Variants in OR10A7 observed in about 807,000 individuals in gnomAD.
OR10A7 encodes olfactory receptor family 10 subfamily A member 7.
For missense variants in OR10A7, 434 were observed against 383.6 expected, an observed-to-expected ratio of 1.13 and a Z score of -1.10; for synonymous variants, 151 against 137.2, an observed-to-expected ratio of 1.10 and a Z score of -0.70.
chr12:55,221,151 T>C lies in OR10A7; in HGVS notation c.127T>C (p.Phe43Leu), dbSNP rs763177753. The C allele has an allele frequency of 6.2e-7, 1 of 1,613,872 alleles. No homozygotes were observed. Among genetic ancestry groups the C allele is most frequent in the Admixed American group, 1.7e-5 (1 of 59,960 alleles). The change falls in exon 1 of 1, where the codon TTT (phenylalanine) becomes CTT (leucine). Residue 43 changes from phenylalanine to leucine, a missense_variant. Coordinates refer to ENST00000326258, the MANE Select transcript of OR10A7 (RefSeq NM_001005280.1). ...TTATACAGTCACTTTGTTGGGCAAC[T>C]TTCTTATTGTCACAGTTACCAGTGT... ...AIYTVTLLGN[F>L]LIVTVTSVDL...
Position 55,221,169 on chromosome 12 carries a change from A to G in OR10A7, c.145A>G (p.Thr49Ala). The G allele has an allele frequency of 6.2e-7, 1 of 1,613,772 alleles. No homozygotes were observed. The change falls in exon 1 of 1, where the codon ACC (threonine) becomes GCC (alanine). Residue 49 changes from threonine to alanine, a missense_variant. By Grantham distance (58) the Thr-to-Ala change is moderately conservative. Transcript: ENST00000326258. ...GGGCAACTTTCTTATTGTCACAGTT[A>G]CCAGTGTGGATCTCGCACTTCAAAC... ...LLGNFLIVTVTSVDLALQTPM... is the reference protein window; with the variant it reads ...LLGNFLIVTVASVDLALQTPM...
chr12:55,221,221 TG>T lies in OR10A7; in HGVS notation c.198del (p.Ser67HisfsTer17), dbSNP rs757066559. On this transcript the variant is annotated frameshift_variant, in exon 1 of 1. Transcript: ENST00000326258. LOFTEE classifies it low-confidence loss of function (END_TRUNC). ...QTPMYFFLQN[L>X]SLLEVCFTLV... ...CCCATGTACTTCTTTCTTCAAAATC[TG>T]TCACTTCTTGAAGTATGTTTCACCT... 1 of 1,613,980 alleles carries T rather than the reference TG, an allele frequency of 6.2e-7. No homozygotes were observed. The highest frequency in any genetic ancestry group is 1.1e-5 in the South Asian group (1 of 91,080).
chr12:55,221,608 A>G lies in OR10A7; in HGVS notation c.584A>G (p.Tyr195Cys). 6.2e-7 allele frequency: 1 copy of G among 1,613,854 alleles called. No individual in the cohort carries two copies. The highest frequency in any genetic ancestry group is 8.5e-7 in the Non-Finnish European group (1 of 1,179,862). Residue 195 changes from tyrosine to cysteine, a missense_variant, in exon 1 of 1, where the codon TAT becomes TGT. Tyr to Cys is a radical substitution (Grantham distance 194). Transcript: ENST00000326258. ...LKLVTVDTTMYEMQALASTLL... is the reference protein window; with the variant it reads ...LKLVTVDTTMCEMQALASTLL... ...CTAGTCACAGTGGATACAACCATGT[A>G]TGAAATGCAAGCACTTGCCTCCACA... is the stretch of plus-strand genomic sequence containing the variant.
Position 55,221,084 on chromosome 12 carries a change from C to G in OR10A7, c.60C>G (p.Asn20Lys). ...TEFILLGFTN[N>K]PEMQVSLFIF... ...TTATTCTTCTTGGTTTTACAAACAACCCCGAGATGCAAGTTTCCCTCTTTA... is the reference window on the plus strand; with the variant it reads ...TTATTCTTCTTGGTTTTACAAACAAGCCCGAGATGCAAGTTTCCCTCTTTA... Residue 20 changes from asparagine (N) to lysine (K), a missense_variant, in exon 1 of 1, where the codon AAC (asparagine) becomes AAG (lysine). Transcript: ENST00000326258. The G allele has an allele frequency of 6.2e-7, 1 of 1,613,792 alleles. No homozygotes were observed. The highest frequency in any genetic ancestry group is 8.5e-7 in the Non-Finnish European group (1 of 1,179,756).
In OR10A7 at chr12:55,221,463, G is replaced by A. The variant is rs1954116766; in HGVS notation, c.439G>A (p.Gly147Ser). 1.2e-6 allele frequency: 2 copies of A among 1,613,732 alleles called. No individual in the cohort carries two copies. Among genetic ancestry groups the A allele is most frequent in the East Asian group, 2.2e-5 (1 of 44,862 alleles). ...NRSLCLWMAIGSWMSGVPVSM... is the reference protein window; with the variant it reads ...NRSLCLWMAISSWMSGVPVSM... The stretch of plus-strand genomic sequence containing the variant: ...GTCCCTATGCTTGTGGATGGCCATA[G>A]GCTCTTGGATGTCCGGTGTTCCTGT... The change falls in exon 1 of 1, where the codon GGC (glycine) becomes AGC (serine). Residue 147 changes from glycine (G) to serine (S), a missense_variant. Coordinates refer to ENST00000326258, the MANE Select transcript of OR10A7 (RefSeq NM_001005280.1).
In OR10A7 at chr12:55,221,379, G is replaced by C; in HGVS notation, c.355G>C (p.Ala119Pro). The C allele has an allele frequency of 6.2e-7, 1 of 1,613,620 alleles. No homozygotes were observed. The highest frequency in any genetic ancestry group is 8.5e-7 in the Non-Finnish European group (1 of 1,179,804). ...SSECFLLSMM[A>P]YDRFVAICNP... ...TGAATGTTTCCTTCTCTCCATGATG[G>C]CTTATGATCGCTTTGTGGCCATCTG... Residue 119 changes from alanine to proline, a missense_variant, in exon 1 of 1, where the codon GCT becomes CCT. Ala to Pro is a conservative substitution (Grantham distance 27). Coordinates refer to ENST00000326258, the MANE Select transcript of OR10A7 (RefSeq NM_001005280.1).
chr12:55,221,400 A>G lies in OR10A7; in HGVS notation c.376A>G (p.Ile126Val), dbSNP rs779418343. The change falls in exon 1 of 1, where the codon ATC becomes GTC. Residue 126 changes from isoleucine to valine, a missense_variant. Coordinates refer to ENST00000326258, the MANE Select transcript of OR10A7 (RefSeq NM_001005280.1). ...GATGGCTTATGATCGCTTTGTGGCC[A>G]TCTGTAACCCTCTCCATTATTCAGT... Reference protein sequence around the residue: ...SMMAYDRFVAICNPLHYSVIM... With the variant: ...SMMAYDRFVAVCNPLHYSVIM... 8 of 1,613,780 alleles carry G rather than the reference A, an allele frequency of 5.0e-6. No homozygotes were observed. In the Admixed American group the frequency reaches 1.0e-4, roughly 20 times the overall value.
rs115800430 is a variant in OR10A7, at chr12:55,221,477, C to T, written c.453C>T (p.Ser151=). The part of the protein sequence containing the change: ...CLWMAIGSWM[S]GVPVSMLQTA... ...GGATGGCCATAGGCTCTTGGATGTC[C>T]GGTGTTCCTGTGTCTATGCTACAGA... Residue 151 remains serine (S), a synonymous_variant, in exon 1 of 1, where the codon TCC becomes TCT. Coordinates refer to ENST00000326258, the MANE Select transcript of OR10A7 (RefSeq NM_001005280.1). The T allele has an allele frequency of 1.0e-3, 1,653 of 1,613,678 alleles. 16 individuals carry two copies. In the African/African-American group the frequency reaches 0.019, roughly 19 times the overall value.
rs1194331711 is a variant in OR10A7 at position 55,221,150 on chromosome 12, C to A, written c.126C>A (p.Asn42Lys). ...TTTATACAGTCACTTTGTTGGGCAACTTTCTTATTGTCACAGTTACCAGTG... is the reference window on the plus strand; with the variant it reads ...TTTATACAGTCACTTTGTTGGGCAAATTTCTTATTGTCACAGTTACCAGTG... ...LAIYTVTLLG[N>K]FLIVTVTSVD... The change falls in exon 1 of 1, where the codon AAC becomes AAA. Residue 42 changes from asparagine (N) to lysine (K), a missense_variant. By Grantham distance (94) the Asn-to-Lys change is moderately conservative. Coordinates refer to ENST00000326258, the MANE Select transcript of OR10A7 (RefSeq NM_001005280.1). The A allele has an allele frequency of 7.4e-6, 12 of 1,613,634 alleles. No homozygotes were observed. The highest frequency in any genetic ancestry group is 1.0e-5 in the Non-Finnish European group (12 of 1,179,794).
rs115234428 is a variant in OR10A7 at position 55,221,182 on chromosome 12, T to C, written c.158T>C (p.Leu53Pro). ...ATTGTCACAGTTACCAGTGTGGATC[T>C]CGCACTTCAAACACCCATGTACTTC... The part of the protein sequence containing the change: ...FLIVTVTSVD[L>P]ALQTPMYFFL... The change falls in exon 1 of 1, where the codon CTC becomes CCC. Residue 53 changes from leucine (L) to proline (P), a missense_variant. By Grantham distance (98) the Leu-to-Pro change is moderately conservative. Coordinates refer to ENST00000326258, the MANE Select transcript of OR10A7 (RefSeq NM_001005280.1). The C allele has an allele frequency of 1.0e-3, 1,618 of 1,613,682 alleles. 16 individuals are homozygous for C. In the African/African-American group the frequency reaches 0.019, roughly 19 times the overall value.
rs779163523 is a variant in OR10A7, at chr12:55,221,282, GT to G, written c.259del (p.Ser87ProfsTer31). ...TGCCAAAAATGCTTGTAGATCTAGT[GT>G]CCCCAAGGAAAATTATCTCTTTTGT... ...MVPKMLVDLV[S>X]PRKIISFVGC... On this transcript the variant is annotated frameshift_variant, in exon 1 of 1. Transcript: ENST00000326258. LOFTEE classifies it low-confidence loss of function (END_TRUNC). The G allele has an allele frequency of 6.2e-7, 1 of 1,613,694 alleles. No individual in the cohort carries two copies. The highest frequency in any genetic ancestry group is 8.5e-7 in the Non-Finnish European group (1 of 1,179,844).
Position 55,221,256 on chromosome 12 carries a change from G to C in OR10A7, c.232G>C (p.Val78Leu), listed in dbSNP as rs1257870811. The C allele has an allele frequency of 1.2e-6, 2 of 1,613,774 alleles. No individual in the cohort carries two copies. Among genetic ancestry groups the C allele is most frequent in the Non-Finnish European group, 1.7e-6 (2 of 1,179,878 alleles). The change falls in exon 1 of 1, where the codon GTG (valine) becomes CTG (leucine). Residue 78 changes from valine to leucine, a missense_variant. Val to Leu is a conservative substitution (Grantham distance 32). Transcript: ENST00000326258. ...LLEVCFTLVMVPKMLVDLVSP... is the reference protein window; with the variant it reads ...LLEVCFTLVMLPKMLVDLVSP... Reference sequence around the variant, plus strand: ...TGAAGTATGTTTCACCTTGGTTATGGTGCCAAAAATGCTTGTAGATCTAGT... The same window carrying C: ...TGAAGTATGTTTCACCTTGGTTATGCTGCCAAAAATGCTTGTAGATCTAGT...
chr12:55,221,645 C>G lies in OR10A7; in HGVS notation c.621C>G (p.Ile207Met). 1 of 1,613,810 alleles carries G rather than the reference C, an allele frequency of 6.2e-7. No homozygotes were observed. The highest frequency in any genetic ancestry group is 8.5e-7 in the Non-Finnish European group (1 of 1,179,846). Residue 207 changes from isoleucine to methionine, a missense_variant, in exon 1 of 1, where the codon ATC becomes ATG. Ile to Met is a conservative substitution (Grantham distance 10, BLOSUM62 1). Transcript: ENST00000326258. ...MQALASTLLFIMFPFCLILVS... is the reference protein window; with the variant it reads ...MQALASTLLFMMFPFCLILVS... ...CACTTGCCTCCACACTCCTGTTTAT[C>G]ATGTTTCCCTTTTGTCTCATTTTGG...
Position 55,221,948 on chromosome 12 carries a change from A to C in OR10A7, c.924A>C (p.Lys308Asn), listed in dbSNP as rs775781502. The C allele has an allele frequency of 2.5e-6, 4 of 1,607,494 alleles. No individual in the cohort carries two copies. The African/African-American group carries it at 5.3e-5, about 21-fold the overall frequency. The stretch of plus-strand genomic sequence containing the variant: ...CTGTCAAGAGGACAATCACTCAAAA[A>C]GTCTTACAGAAGTTAGATGTGTTTT... ...KGAVKRTITQKVLQKLDVF is the reference protein window; with the variant it reads ...KGAVKRTITQNVLQKLDVF Residue 308 changes from lysine (K) to asparagine (N), a missense_variant, in exon 1 of 1, where the codon AAA becomes AAC. Transcript: ENST00000326258.
chr12:55,221,752 C>A lies in OR10A7; in HGVS notation c.728C>A (p.Ser243Ter). Reference sequence around the variant, plus strand: ...CAGAAGGCATTTTCTACTTGTTCCTCACACCTCATTGTGGTGTCCCTCTTC... The same window carrying A: ...CAGAAGGCATTTTCTACTTGTTCCTAACACCTCATTGTGGTGTCCCTCTTC... ...GRQKAFSTCS[S>*]HLIVVSLFYG... is the part of the protein sequence containing the mutation. The change falls in exon 1 of 1, where the codon TCA becomes TAA. Residue 243 changes from serine to a stop codon, truncating the protein, a stop_gained. Coordinates refer to ENST00000326258, the MANE Select transcript of OR10A7 (RefSeq NM_001005280.1). LOFTEE classifies it low-confidence loss of function (END_TRUNC). 2 of 1,613,652 alleles carry A rather than the reference C, an allele frequency of 1.2e-6. No homozygotes were observed. The highest frequency in any genetic ancestry group is 2.2e-5 in the South Asian group (2 of 91,080).
In OR10A7 at chr12:55,221,596, A is replaced by G; in HGVS notation, c.572A>G (p.Asp191Gly). Residue 191 changes from aspartate (D) to glycine (G), a missense_variant, in exon 1 of 1, where the codon GAT becomes GGT. Asp to Gly is a moderately conservative substitution (Grantham distance 94). Coordinates refer to ENST00000326258, the MANE Select transcript of OR10A7 (RefSeq NM_001005280.1). The stretch of plus-strand genomic sequence containing the variant: ...CCAGTGTTAAAACTAGTCACAGTGG[A>G]TACAACCATGTATGAAATGCAAGCA... ...GPPVLKLVTV[D>G]TTMYEMQALA... The G allele has an allele frequency of 6.2e-7, 1 of 1,613,794 alleles. No individual in the cohort carries two copies. Among genetic ancestry groups the G allele is most frequent in the Middle Eastern group, 1.7e-4 (1 of 6,060 alleles).
rs767222159 is a variant in OR10A7 at position 55,221,550 on chromosome 12, C to T, written c.526C>T (p.His176Tyr). 3 of 1,613,816 alleles carry T rather than the reference C, an allele frequency of 1.9e-6. No individual in the cohort carries two copies. Among genetic ancestry groups the T allele is most frequent in the Non-Finnish European group, 2.5e-6 (3 of 1,179,888 alleles). Residue 176 changes from histidine to tyrosine, a missense_variant, in exon 1 of 1, where the codon CAC becomes TAC. Transcript: ENST00000326258. ...TTTCTGTGGACCAAATGCCGTGGAC[C>T]ACTTTTTCTGTGATGGTCCCCCAGT... The part of the protein sequence containing the change: ...LPFCGPNAVD[H>Y]FFCDGPPVLK...
chr12:55,221,210 T>G lies in OR10A7; in HGVS notation c.186T>G (p.Phe62Leu). 1 of 1,613,520 alleles carries G rather than the reference T, an allele frequency of 6.2e-7. No individual in the cohort carries two copies. Among genetic ancestry groups the G allele is most frequent in the Non-Finnish European group, 8.5e-7 (1 of 1,179,728 alleles). Reference sequence around the variant, plus strand: ...CACTTCAAACACCCATGTACTTCTTTCTTCAAAATCTGTCACTTCTTGAAG... The same window carrying G: ...CACTTCAAACACCCATGTACTTCTTGCTTCAAAATCTGTCACTTCTTGAAG... ...DLALQTPMYF[F>L]LQNLSLLEVC... The change falls in exon 1 of 1, where the codon TTT (phenylalanine) becomes TTG (leucine). Residue 62 changes from phenylalanine to leucine, a missense_variant. Phe to Leu is a conservative substitution (Grantham distance 22, BLOSUM62 0). Coordinates refer to ENST00000326258, the MANE Select transcript of OR10A7 (RefSeq NM_001005280.1).
rs760977097 is a variant in OR10A7, at chr12:55,221,357, A to G, written c.333A>G (p.Glu111=). ...TCTTCTTCTTCTTTGGCAGTTCTGAATGTTTCCTTCTCTCCATGATGGCTT... is the reference window on the plus strand; with the variant it reads ...TCTTCTTCTTCTTTGGCAGTTCTGAGTGTTTCCTTCTCTCCATGATGGCTT... ...MYFFFFFGSS[E]CFLLSMMAYD... is the part of the protein sequence containing the mutation. The change falls in exon 1 of 1, where the codon GAA becomes GAG. Residue 111 remains glutamate, a synonymous_variant. Transcript: ENST00000326258. 2 of 1,613,728 alleles carry G rather than the reference A, an allele frequency of 1.2e-6. No individual in the cohort carries two copies. The highest frequency in any genetic ancestry group is 4.5e-5 in the East Asian group (2 of 44,854).
Sources: allele counts gnomAD v4.1 joint callset, GRCh38; gene constraint gnomAD v4.1.1; transcripts MANE v1.5; gene names NCBI Gene and HGNC (gene_info 2026-07-23, HGNC 2026-07-21).